Variants in KDM2B observed in about 807,000 individuals in gnomAD.
KDM2B encodes the protein lysine-specific demethylase 2B.
A neutral mutation model predicts 150.0 loss-of-function variants in KDM2B; 26 were observed. That is an observed-to-expected ratio of 0.17 (90% CI 0.13 to 0.24). The LOEUF is 0.24. Ranked by LOEUF, KDM2B falls within the 10% of genes least tolerant of loss-of-function variation. The pLI, the probability that KDM2B is intolerant of heterozygous loss-of-function variation, is 1.00. For synonymous variants in KDM2B, 734 were observed against 729.5 expected (o/e 1.01, Z -0.10); for missense variants, 1,265 against 1,816.9 (o/e 0.70, Z 5.52).
chr12:121,427,814 T>G (rs1017355025), downstream of KDM2B, among the ~76,000 whole-genome samples: 3 of 152,130 alleles, frequency 2.0e-5, no homozygotes, highest in African/African-American at 7.3e-5. Context: ...CCTACTTCCC[T>G]TAACTAGTCC....
chr12:121,566,577 C>T (rs984740843), intron 4 of KDM2B, among the ~76,000 whole-genome samples: 15 of 150,918 alleles, frequency 9.9e-5, no homozygotes, highest in South Asian at 2.1e-4. Context: ...GCCGAGATCG[C>T]GCCAATGCAC....
rs569475822 is a variant in KDM2B at position 121,449,168 on chromosome 12, C to G, written c.1960-3750G>C. Among the ~76,000 whole-genome samples the G allele has an allele frequency of 1.0e-3, 154 of 149,030 alleles. No individual in the cohort carries two copies. In the South Asian group the frequency reaches 0.011, roughly 11 times the overall value. On this transcript the variant is annotated intron_variant, in intron 13 of 22. Transcript: ENST00000377071. ...GGAGGCGGTGCCAGAGGCAAATCTC[C>G]TGCAGGGGCTGGCAGGGGGCTTGGG...
rs1334089715 is a variant in KDM2B at position 121,453,285 on chromosome 12, G to A, written c.1794C>T (p.Ala598=). 2 of 1,606,206 alleles carry A rather than the reference G, an allele frequency of 1.2e-6. No homozygotes were observed. Among genetic ancestry groups the A allele is most frequent in the East Asian group, 2.2e-5 (1 of 44,552 alleles). Residue 598 remains alanine, a synonymous_variant, in exon 13 of 23, where the codon GCC becomes GCT. Coordinates refer to ENST00000377071, the MANE Select transcript of KDM2B (RefSeq NM_032590.5). The surrounding 1 kb of genome is among the most constrained non-coding windows in gnomAD (Gnocchi z 6.4). The part of the protein sequence containing the change: ...KLGPASAVKL[A]ANRTTAGARR... The stretch of plus-strand genomic sequence containing the variant: ...GAGCTCCTGCCGTTGTCCGGTTGGC[G>A]GCCAACTTCACCGCGGAGGCCGGGC...
chr12:121,472,346 C>G (rs1555296040), intron 12 of KDM2B, among the ~76,000 whole-genome samples: 1 of 152,206 alleles, frequency 6.6e-6, no homozygotes, highest in African/African-American at 2.4e-5. Flanking sequence ...AACCACTTAA[C>G]ATAGCATTCC....
chr12:121,465,215 G>A (rs1593842001), intron 12 of KDM2B, among the ~76,000 whole-genome samples: 2 of 152,154 alleles, frequency 1.3e-5, no homozygotes, highest in East Asian at 3.9e-4. Flanking sequence ...ATACAGGTTT[G>A]TTTGTTTTTG....
chr12:121,580,386 A>T, intron 1 of KDM2B: 1 of 802,190 alleles, frequency 1.2e-6, no homozygotes, highest in Non-Finnish European at 1.4e-6. Flanking sequence ...CGGCCCGAGG[A>T]GGTATGGGGC....
intron 12 of KDM2B, among the ~76,000 whole-genome samples, chr12:121,488,711 T>C (rs1447818073): frequency 1.3e-5 from 2 of 152,190 alleles, no homozygotes; most frequent in Non-Finnish European, 2.9e-5. Flanking sequence ...AACCTCCGCC[T>C]CCCAGGTTCA....
chr12:121,580,304 C>A, intron 1 of KDM2B: 2 of 1,225,372 alleles, frequency 1.6e-6, no homozygotes, highest in South Asian at 7.0e-5. Context: ...ACATTGTTGC[C>A]GATCGCGCTC....
chr12:121,482,696 G>C (rs1233306427), intron 12 of KDM2B, among the ~76,000 whole-genome samples: 1 of 152,208 alleles, frequency 6.6e-6, no homozygotes, highest in Non-Finnish European at 1.5e-5. Flanking sequence ...ACAGGACTCA[G>C]AAGCATTTGG....
At chr12:121,568,076 C>A (rs185892969) in intron 4 of KDM2B, among the ~76,000 whole-genome samples, 1 of 151,962 alleles carries the variant, frequency 6.6e-6, no homozygotes, top group Non-Finnish European at 1.5e-5. Flanking sequence ...TACTTTCTTA[C>A]GGCAGCCCAA....
chr12:121,474,339 C>T (rs1331588268), intron 12 of KDM2B, among the ~76,000 whole-genome samples: 2 of 151,870 alleles, frequency 1.3e-5, no homozygotes, highest in Non-Finnish European at 2.9e-5. Flanking sequence ...CTGTGAAAAC[C>T]CCGTCCCTAC....
intron 12 of KDM2B, 116 bp downstream of exon 12, chr12:121,494,463 C>A (rs889261625): frequency 3.0e-6 from 2 of 669,764 alleles, no homozygotes; most frequent in Non-Finnish European, 5.3e-6. Flanking sequence ...ATCTTAACTG[C>A]GGTGCCTTCA....
At chr12:121,426,860 G>A (rs1348699059), downstream of KDM2B, among the ~76,000 whole-genome samples, 2 of 152,062 alleles carry the variant, frequency 1.3e-5, no homozygotes, top group Non-Finnish European at 2.9e-5. Context: ...CTGACCTCGG[G>A]TGATTCGCCC....
chr12:121,498,278 T>A (rs1354070294), intron 11 of KDM2B, among the ~76,000 whole-genome samples: 2 of 152,056 alleles, frequency 1.3e-5, no homozygotes, highest in Non-Finnish European at 1.5e-5. Context: ...AGCCACTTAG[T>A]CCAATCCCAA....
chr12:121,516,143 A>C (rs367951326), intron 9 of KDM2B, among the ~76,000 whole-genome samples: 2 of 152,150 alleles, frequency 1.3e-5, no homozygotes, highest in African/African-American at 4.8e-5. Context: ...GAGGACGGAC[A>C]GACCTCATCC....
At chr12:121,450,344 G>T (rs1387085397) in intron 13 of KDM2B, among the ~76,000 whole-genome samples, 1 of 151,146 alleles carries the variant, frequency 6.6e-6, no homozygotes, top group Non-Finnish European at 1.5e-5. Flanking sequence ...AAAAAGAAAA[G>T]AAAAAAGTAA....
Position 121,521,149 on chromosome 12 carries a change from T to C in KDM2B, c.932-49A>G. ...GGATGAGCCGCTGGCCCCTGTGGGC[T>C]CCCACACCTCACAAGGCTGCAGGGA... is the stretch of plus-strand genomic sequence containing the variant. On this transcript the variant is annotated intron_variant, in intron 8 of 22. Coordinates refer to ENST00000377071, the MANE Select transcript of KDM2B (RefSeq NM_032590.5). This position sits in a 1 kb window ranked among gnomAD's most constrained non-coding sequence, Gnocchi z 4.9. 1 of 1,296,260 alleles carries C rather than the reference T, an allele frequency of 7.7e-7. No homozygotes were observed. Among genetic ancestry groups the C allele is most frequent in the Non-Finnish European group, 1.1e-6 (1 of 894,534 alleles). 80.3% of individuals were successfully genotyped at this position (1,296,260 alleles called of 1,614,324 possible).
At chr12:121,508,540 G>A (rs552574533) in intron 11 of KDM2B, among the ~76,000 whole-genome samples, 1 of 152,166 alleles carries the variant, frequency 6.6e-6, no homozygotes, top group Non-Finnish European at 1.5e-5. Context: ...GCAGCTAGCT[G>A]GCTTCCCTTG....
chr12:121,521,195 G>C lies in KDM2B; in HGVS notation c.932-95C>G. 2.4e-6 allele frequency: 2 copies of C among 833,518 alleles called. No homozygotes were observed. Among genetic ancestry groups the C allele is most frequent in the Non-Finnish European group, 4.0e-6 (2 of 501,866 alleles). The allele number at this position is 833,518 out of a possible 1,614,324, so 51.6% of individuals were successfully genotyped here. Reference sequence around the variant, plus strand: ...AGGGAGGGAGAGCGAGCGTGCAGGAGGGTGCAGGGAGTGGAGAAGAGCAGC... The same window carrying C: ...AGGGAGGGAGAGCGAGCGTGCAGGACGGTGCAGGGAGTGGAGAAGAGCAGC... On this transcript the variant is annotated intron_variant, in intron 8 of 22. Coordinates refer to ENST00000377071, the MANE Select transcript of KDM2B (RefSeq NM_032590.5). This position sits in a 1 kb window ranked among gnomAD's most constrained non-coding sequence, Gnocchi z 4.9.
Sources: allele counts gnomAD v4.1 joint callset (sites outside exome capture counted in the v4.1 genomes callset), GRCh38; gene constraint gnomAD v4.1.1; non-coding constraint Gnocchi (gnomAD v3.1); transcripts MANE v1.5; gene names NCBI Gene and HGNC (gene_info 2026-07-23, HGNC 2026-07-21).